STAP2: variants seen among roughly 807,000 people sequenced by gnomAD.
The protein encoded by STAP2 is signal-transducing adaptor protein 2.
Under a neutral mutation model 52.7 loss-of-function variants are expected in STAP2, and 58 were observed. The observed-to-expected ratio is 1.10, with a 90% CI of 0.89 to 1.37. The LOEUF (loss-of-function observed/expected upper bound fraction) is 1.37. Among genes scored for constraint, STAP2 ranks in the 40% most tolerant of loss-of-function variants. STAP2 has a pLI of 0.00. For missense variants in STAP2, 522 were observed against 519.4 expected (o/e 1.00, Z -0.05); for synonymous variants, 231 against 210.5 (o/e 1.10, Z -0.84).
chr19:4,330,945 C>T (rs1971880186), intron 4 of STAP2, among the ~76,000 whole-genome samples: 2 of 151,880 alleles, frequency 1.3e-5, no homozygotes, highest in African/African-American at 4.8e-5. Flanking sequence ...GATCTCCTGA[C>T]CTCATGATCT....
At chr19:4,327,965 AC>A (rs1014549020) in intron 6 of STAP2, among the ~76,000 whole-genome samples, 1 of 151,574 alleles carries the variant, frequency 6.6e-6, no homozygotes, top group African/African-American at 2.4e-5. Flanking sequence ...GTAGATCCTG[AC>A]GCTGCCCAAA....
chr19:4,335,243 C>CCATCCAT (rs879561998), intron 1 of STAP2, among the ~76,000 whole-genome samples: 31 of 151,956 alleles, frequency 2.0e-4, no homozygotes, highest in Non-Finnish European at 4.3e-4. Flanking sequence ...ACCTACTCAT[C>CCATCCAT]CATCCATCAT....
chr19:4,333,706 C>G lies in STAP2; in HGVS notation c.285G>C (p.Glu95Asp). 2 of 1,612,178 alleles carry G rather than the reference C, an allele frequency of 1.2e-6. No individual in the cohort carries two copies. Reference protein sequence around the residue: ...THFSLILRDQEIKFKVETLEC... With the variant: ...THFSLILRDQDIKFKVETLEC... ...GCAAGGGACCTACCTTGAACTTGAT[C>G]TCCTGATCCCGGAGAATCAGGCTGA... The change falls in exon 3 of 13, where the codon GAG becomes GAC. Residue 95 changes from glutamate (E) to aspartate (D), a missense_variant. Glu to Asp is a conservative substitution (Grantham distance 45). Transcript: ENST00000594605.
Position 4,330,047 on chromosome 19 carries a change from G to T in STAP2, c.369C>A (p.Thr123=). 2 of 1,613,530 alleles carry T rather than the reference G, an allele frequency of 1.2e-6. No individual in the cohort carries two copies. The highest frequency in any genetic ancestry group is 1.7e-6 in the Non-Finnish European group (2 of 1,179,958). ...GGTGCCCAGGAAGCAGGGTCAAGTCGGTCGGGACACGGAGCTGAGGGGCGA... is the reference window on the plus strand; with the variant it reads ...GGTGCCCAGGAAGCAGGGTCAAGTCTGTCGGGACACGGAGCTGAGGGGCGA... ...ILTVVELRVP[T]DLTLLPGHLY... Residue 123 remains threonine (T), a synonymous_variant, in exon 5 of 13, where the codon ACC becomes ACA. Coordinates refer to ENST00000594605, the MANE Select transcript of STAP2 (RefSeq NM_001013841.2).
chr19:4,324,190 T>G lies in STAP2; in HGVS notation c.1155A>C (p.Ala385=). 1.3e-6 allele frequency: 2 copies of G among 1,551,252 alleles called. No individual in the cohort carries two copies. The highest frequency in any genetic ancestry group is 1.7e-6 in the Non-Finnish European group (2 of 1,146,984). Residue 385 remains alanine (A), a synonymous_variant, in exon 13 of 13, where the codon GCA becomes GCC. Coordinates refer to ENST00000594605, the MANE Select transcript of STAP2 (RefSeq NM_001013841.2). Reference sequence around the variant, plus strand: ...TCTTCTGTAGCTCTGCCGTCATGTCTGCCAGCCCTGGGGGTTCAGGACCAG... The same window carrying G: ...TCTTCTGTAGCTCTGCCGTCATGTCGGCCAGCCCTGGGGGTTCAGGACCAG... ...AQPLFPTAGL[A]DMTAELQKKL... is the part of the protein sequence containing the mutation.
Position 4,338,581 on chromosome 19 carries a change from CAG to C in STAP2, c.102+69_102+70del, listed in dbSNP as rs2144800067. 4 of 939,726 alleles carry C rather than the reference CAG, an allele frequency of 4.3e-6. No homozygotes were observed. In the South Asian group the frequency reaches 4.7e-5, roughly 11 times the overall value. 58.2% of individuals were successfully genotyped at this position (939,726 alleles called of 1,614,324 possible). The stretch of plus-strand genomic sequence containing the variant: ...CGCCCCCCCTTGGCGAGTGGGGAGA[CAG>C]GGACTCAGAGAGGTGCCGCAGCTCC... On this transcript the variant is annotated intron_variant, in intron 1 of 12. Coordinates refer to ENST00000594605, the MANE Select transcript of STAP2 (RefSeq NM_001013841.2).
rs576413261 is a variant in STAP2 at position 4,330,914 on chromosome 19, C to T, written c.355-853G>A. Among the ~76,000 whole-genome samples, 5 of 151,928 alleles carry T rather than the reference C, an allele frequency of 3.3e-5. No individual in the cohort carries two copies. In the South Asian group the frequency reaches 8.3e-4, roughly 25 times the overall value. Reference sequence around the variant, plus strand: ...ATTTTTAGTAGAGACAGGGTTTCACCGTGTTGGCCAGGATGGTCTTGATCT... The same window carrying T: ...ATTTTTAGTAGAGACAGGGTTTCACTGTGTTGGCCAGGATGGTCTTGATCT... On this transcript the variant is annotated intron_variant, in intron 4 of 12. Transcript: ENST00000594605.
At chr19:4,330,711 A>ATTTTTT (rs1210010568) in intron 4 of STAP2, among the ~76,000 whole-genome samples, 1 of 117,188 alleles carries the variant, frequency 8.5e-6, no homozygotes, top group Non-Finnish European at 1.7e-5. Flanking sequence ...ATGTCAGCTA[A>ATTTTTT]TTTTTTTTTT....
chr19:4,334,885 CTA>C (rs1971954499), intron 1 of STAP2, among the ~76,000 whole-genome samples: 1 of 88,694 alleles, frequency 1.1e-5, no homozygotes, highest in African/African-American at 4.4e-5. Flanking sequence ...ATCCATCCAC[CTA>C]CTCATCCATC....
intron 8 of STAP2, 44 bp from the exon 9 acceptor site, chr19:4,327,051 G>A (rs1226144244): frequency 1.9e-6 from 3 of 1,599,472 alleles, no homozygotes; most frequent in Middle Eastern, 1.7e-4. Flanking sequence ...GCGGCCAGGG[G>A]CGGCCCGGTC....
intron 6 of STAP2, chr19:4,328,247 C>T: frequency 5.3e-6 from 1 of 187,002 alleles, no homozygotes; most frequent in South Asian, 1.2e-4. Flanking sequence ...CCAGCCCTCC[C>T]TGCCCAGCTC....
intron 1 of STAP2, 50 bp downstream of exon 1, chr19:4,338,602 C>T (rs1467966670): frequency 1.3e-6 from 2 of 1,484,780 alleles, no homozygotes; most frequent in South Asian, 1.2e-5. Flanking sequence ...AGAGGTGCCG[C>T]AGCTCCCCAC....
chr19:4,332,185 T>A, intron 3 of STAP2, 107 bp from the exon 4 acceptor site: 1 of 640,586 alleles, frequency 1.6e-6, no homozygotes, highest in Non-Finnish European at 2.3e-6. Context: ...GTTTTCTTTT[T>A]TCTTTTTCTT....
At chr19:4,328,630 T>G in intron 6 of STAP2, 45 bp downstream of exon 6, 1 of 1,541,498 alleles carries the variant, frequency 6.5e-7, no homozygotes, top group East Asian at 2.4e-5. Context: ...CCCACCCTCT[T>G]CCCACCCTCC....
chr19:4,325,223 G>T lies in STAP2; in HGVS notation c.1065C>A (p.Pro355=). 1 of 1,587,334 alleles carries T rather than the reference G, an allele frequency of 6.3e-7. No homozygotes were observed. Among genetic ancestry groups the T allele is most frequent in the East Asian group, 2.3e-5 (1 of 43,180 alleles). ...TATGGGGGGGACCCCAACCTGGCTT[G>T]GGTCCAACGGGTGGCTTTGGAAGCT... ...PAKLPKPPVG[P]KPEPKVFNGG... is the part of the protein sequence containing the mutation. Residue 355 remains proline, a synonymous_variant, in exon 11 of 13, where the codon CCC becomes CCA. Transcript: ENST00000594605.
intron 4 of STAP2, among the ~76,000 whole-genome samples, 183 bp downstream of exon 4, chr19:4,331,839 C>T (rs1243040488): frequency 6.6e-6 from 1 of 151,756 alleles, no homozygotes; most frequent in African/African-American, 2.4e-5. Context: ...GGCTGAGGCA[C>T]GAGAATGGCG....
At chr19:4,328,380 T>G (rs530598844) in intron 6 of STAP2, among the ~76,000 whole-genome samples, 2 of 136,906 alleles carry the variant, frequency 1.5e-5, no homozygotes, top group African/African-American at 5.4e-5. Context: ...CAGTGTACTC[T>G]GCTCAGCTCT....
intron 1 of STAP2, 21 bp downstream of exon 1, chr19:4,338,631 G>C: frequency 7.3e-7 from 1 of 1,378,628 alleles, no homozygotes. Flanking sequence ...AGCAGGGCCA[G>C]CCCCCGCCTC....
At chr19:4,329,940 C>T (rs776409929) in intron 5 of STAP2, 21 bp downstream of exon 5, 2 of 1,603,634 alleles carry the variant, frequency 1.2e-6, no homozygotes, top group Non-Finnish European at 1.7e-6. Flanking sequence ...TGCAGCCCCT[C>T]GGGACAGGCG....
Sources: allele counts gnomAD v4.1 joint callset (sites outside exome capture counted in the v4.1 genomes callset), GRCh38; gene constraint gnomAD v4.1.1; transcripts MANE v1.5; gene names NCBI Gene and HGNC (gene_info 2026-07-23, HGNC 2026-07-21).